RCAN1: variants seen among roughly 807,000 people sequenced by gnomAD.
The protein encoded by RCAN1 is regulator of calcineurin 1.
RCAN1 carries 11 observed loss-of-function variants against 22.9 expected under a neutral mutation model. The observed-to-expected ratio is 0.48, with a 90% CI of 0.30 to 0.79. RCAN1 has a LOEUF of 0.79. Among genes scored for constraint, RCAN1 ranks in the 30% least tolerant of loss-of-function variants. RCAN1 has a pLI of 0.06. For synonymous variants in RCAN1, 136 were observed against 142.3 expected (o/e 0.96, Z 0.32); for missense variants, 291 against 337.8 (o/e 0.86, Z 1.09).
At chr21:34,533,938 C>T (rs1339904565) in intron 1 of RCAN1, among the ~76,000 whole-genome samples, 1 of 152,110 alleles carries the variant, frequency 6.6e-6, no homozygotes, top group Admixed American at 6.5e-5. Context: ...AGCAAGGAGG[C>T]TCAGGGTGGC....
At chr21:34,612,186 C>T (rs1029377443) in intron 1 of RCAN1, among the ~76,000 whole-genome samples, 1 of 152,190 alleles carries the variant, frequency 6.6e-6, no homozygotes, top group Non-Finnish European at 1.5e-5. Flanking sequence ...CTCTAGCCTA[C>T]CCAGTTTCCC....
At chr21:34,594,790 T>G (rs890905167) in intron 1 of RCAN1, among the ~76,000 whole-genome samples, 1 of 152,152 alleles carries the variant, frequency 6.6e-6, no homozygotes, top group Non-Finnish European at 1.5e-5. Flanking sequence ...CTGGCCCCCA[T>G]ACAAACTCGC....
intron 1 of RCAN1, among the ~76,000 whole-genome samples, chr21:34,577,716 G>A (rs1373131727): frequency 6.6e-6 from 1 of 152,212 alleles, no homozygotes; most frequent in South Asian, 2.1e-4. Context: ...AGGCAGGAGT[G>A]TTACATGAAA....
At chr21:34,564,921 C>T (rs571379770) in intron 1 of RCAN1, among the ~76,000 whole-genome samples, 10 of 152,036 alleles carry the variant, frequency 6.6e-5, no homozygotes, top group Non-Finnish European at 8.8e-5. Flanking sequence ...AAAAGCTGAC[C>T]GGGTGTGGTG....
At chr21:34,551,119 T>C (rs950398777) in intron 1 of RCAN1, among the ~76,000 whole-genome samples, 6 of 152,224 alleles carry the variant, frequency 3.9e-5, no homozygotes, top group African/African-American at 1.4e-4. Context: ...TTTTTAAAAC[T>C]GGGAAGACCC....
chr21:34,525,096 A>G (rs1319458549), intron 1 of RCAN1: 2 of 1,550,428 alleles, frequency 1.3e-6, no homozygotes, highest in East Asian at 2.4e-5. Flanking sequence ...ACCTTGGAGA[A>G]CCTATGGAAG....
rs149859687 is a variant in RCAN1, at chr21:34,530,732, C to T, written c.253-7022G>A. Among the ~76,000 whole-genome samples, 980 of 144,480 alleles carry T rather than the reference C, an allele frequency of 6.8e-3. 9 individuals are homozygous for T. The highest frequency in any genetic ancestry group is 0.024 in the African/African-American group (942 of 39,856). 94.8% of individuals were successfully genotyped at this position (144,480 alleles called of 152,430 possible). A position where few individuals can be genotyped will look rare whatever the true frequency, so the allele number is the denominator to read the frequency against. ...CTCTGCCTCCTGGGTTCAAGCGATT[C>T]TCCTGCCTCAGCCTCCCAAGTAGTT... On this transcript the variant is annotated intron_variant, in intron 1 of 3. Transcript: ENST00000313806.
At chr21:34,525,704 C>T in intron 1 of RCAN1, 1 of 202,872 alleles carries the variant, frequency 4.9e-6, no homozygotes, top group East Asian at 1.1e-4. Context: ...GTTCTAATAA[C>T]TGATACCTAG....
At chr21:34,587,285 G>A (rs1359011867) in intron 1 of RCAN1, among the ~76,000 whole-genome samples, 1 of 152,010 alleles carries the variant, frequency 6.6e-6, no homozygotes, top group Non-Finnish European at 1.5e-5. Flanking sequence ...TTATAAAACT[G>A]AATATTTAAT....
intron 1 of RCAN1, among the ~76,000 whole-genome samples, chr21:34,580,980 A>C (rs1987586828): frequency 6.6e-6 from 1 of 152,202 alleles, no homozygotes; most frequent in Admixed American, 6.5e-5. Flanking sequence ...AGAGAGTTTT[A>C]GGCCAAAAGC....
chr21:34,598,909 T>C (rs569702844), intron 1 of RCAN1, among the ~76,000 whole-genome samples: 1 of 152,286 alleles, frequency 6.6e-6, no homozygotes, highest in South Asian at 2.1e-4. Flanking sequence ...GGGTCAGCTT[T>C]GTTCCTAATT....
At chr21:34,586,158 A>G (rs187034164) in intron 1 of RCAN1, among the ~76,000 whole-genome samples, 92 of 152,346 alleles carry the variant, frequency 6.0e-4, no homozygotes, top group Admixed American at 5.9e-3. Context: ...AAGGCCATAG[A>G]TGACATAAAC....
intron 1 of RCAN1, among the ~76,000 whole-genome samples, chr21:34,580,244 C>T (rs563247874): frequency 1.4e-3 from 209 of 152,314 alleles, no homozygotes; most frequent in African/African-American, 4.9e-3. Flanking sequence ...AGACAGAGGC[C>T]GGCCTGCACA....
At chr21:34,612,697 T>C (rs1335410931) in intron 1 of RCAN1, among the ~76,000 whole-genome samples, 2 of 152,352 alleles carry the variant, frequency 1.3e-5, no homozygotes, top group South Asian at 2.1e-4. Context: ...CCTTAGCATC[T>C]CAACTCCACA....
At chr21:34,549,288 G>A (rs184694228) in intron 1 of RCAN1, among the ~76,000 whole-genome samples, 109 of 152,242 alleles carry the variant, frequency 7.2e-4, no homozygotes, top group Admixed American at 2.6e-3. Context: ...TGGCAGCCTC[G>A]GTTCAAAAAT....
chr21:34,564,391 C>T lies in RCAN1; in HGVS notation c.253-40681G>A, dbSNP rs566983373. On this transcript the variant is annotated intron_variant, in intron 1 of 3. Coordinates refer to ENST00000313806, the MANE Select transcript of RCAN1 (RefSeq NM_004414.7). Reference sequence around the variant, plus strand: ...GGCCAGATCCATTGGTGGAGGAACCCGGACACTGTCCCATAAGAACTGTGA... The same window carrying T: ...GGCCAGATCCATTGGTGGAGGAACCTGGACACTGTCCCATAAGAACTGTGA... 1.7e-4 allele frequency among the ~76,000 whole-genome samples: 26 copies of T among 152,242 alleles called. No homozygotes were observed. The East Asian group carries it at 3.1e-3, about 18-fold the overall frequency.
intron 1 of RCAN1, chr21:34,525,422 C>CCTCTCACTCTTTTTCCCCACCTCT: frequency 1.4e-6 from 2 of 1,415,898 alleles, no homozygotes; most frequent in Non-Finnish European, 1.9e-6. Flanking sequence ...CATCTGGCCG[C>CCTCTCACTCTTTTTCCCCACCTCT]CTCTCACTCT....
At chr21:34,551,496 C>T (rs1479112834) in intron 1 of RCAN1, among the ~76,000 whole-genome samples, 3 of 152,160 alleles carry the variant, frequency 2.0e-5, no homozygotes, top group Admixed American at 2.0e-4. Context: ...CAGGAGGAGG[C>T]AGAAGGCAGC....
At chr21:34,572,457 C>G (rs1390976006) in intron 1 of RCAN1, among the ~76,000 whole-genome samples, 2 of 152,158 alleles carry the variant, frequency 1.3e-5, no homozygotes, top group Non-Finnish European at 2.9e-5. Flanking sequence ...CAGGGGGCCC[C>G]AGGGTGGACC....
Sources: gnomAD v4.1 joint callset for allele counts (sites outside exome capture counted in the v4.1 genomes callset) on GRCh38, gnomAD v4.1.1 for gene constraint, MANE v1.5 for transcripts, NCBI Gene and HGNC (gene_info 2026-07-23, HGNC 2026-07-21) for gene names.